The following VPS45 variants were observed in gnomAD, a reference collection of about 807,000 sequenced individuals.
VPS45 encodes the protein vacuolar protein sorting-associated protein 45.
VPS45 carries 35 observed loss-of-function variants against 75.9 expected under a neutral mutation model. The observed-to-expected ratio is 0.46, with a 90% CI of 0.35 to 0.61. VPS45 has a LOEUF of 0.61. VPS45 is among the 20% of genes least tolerant of loss of function. The pLI is 0.00. For missense variants in VPS45, 559 were observed against 685.9 expected (o/e 0.81, Z 2.07); for synonymous variants, 220 against 238.2 (o/e 0.92, Z 0.70).
intron 13 of VPS45, among the ~76,000 whole-genome samples, chr1:150,099,902 C>G (rs1553803862): frequency 6.6e-6 from 1 of 150,948 alleles, no homozygotes; most frequent in Admixed American, 6.6e-5. Flanking sequence ...TGGGCAAAAG[C>G]TGGAAGCATT....
chr1:150,070,345 A>G (rs181220022), intron 2 of VPS45, among the ~76,000 whole-genome samples: 22 of 152,304 alleles, frequency 1.4e-4, no homozygotes, highest in African/African-American at 4.1e-4. Flanking sequence ...ATGCTGTGTT[A>G]TAATAGTTTC....
At chr1:150,109,167 G>A (rs949181775) in intron 13 of VPS45, 1 of 152,174 alleles carries the variant, frequency 6.6e-6, no homozygotes, top group Non-Finnish European at 1.5e-5. Context: ...GAGTAGCTGG[G>A]ATTACGGGCA....
At chr1:150,077,556 C>A in intron 6 of VPS45, 113 bp from the exon 7 acceptor site, 1 of 778,012 alleles carries the variant, frequency 1.3e-6, no homozygotes, top group South Asian at 1.6e-5. Context: ...TATGGAAGAT[C>A]TATGTGGGTG....
At chr1:150,083,277 C>T (rs116819476) in intron 10 of VPS45, 3,349 of 156,290 alleles carry the variant, frequency 0.021, 67 homozygotes, top group Non-Finnish European at 0.034. Flanking sequence ...GTTAGGAAGA[C>T]TTTAAAAGAT....
chr1:150,100,945 A>G (rs1345574252), intron 13 of VPS45, among the ~76,000 whole-genome samples: 2 of 152,224 alleles, frequency 1.3e-5, no homozygotes, highest in Non-Finnish European at 2.9e-5. Flanking sequence ...CAAAAAAACT[A>G]TGCATCTGAG....
At position 150,067,824 on chromosome 1, in the gene VPS45, G is replaced by A; in HGVS notation, c.-34G>A. On this transcript the variant is annotated 5_prime_UTR_variant, in exon 1 of 15. Coordinates refer to ENST00000644510, the MANE Select transcript of VPS45 (RefSeq NM_007259.5). ...GTTAATTTAGCCAGAAAAGGGGGCG[G>A]GAAGGGCTGTAGGGTACTTGTCAAT... 6.2e-7 allele frequency: 1 copy of A among 1,605,564 alleles called. No individual in the cohort carries two copies. The highest frequency in any genetic ancestry group is 8.5e-7 in the Non-Finnish European group (1 of 1,172,972).
intron 12 of VPS45, among the ~76,000 whole-genome samples, chr1:150,092,837 CTTTTTTTTTTTT>C (rs11451750): frequency 1.1e-5 from 1 of 94,452 alleles, no homozygotes; most frequent in Middle Eastern, 0.01. Flanking sequence ...GCTAGCCTTT[CTTTTTTTTTTTT>C]TTTTTTTTTT....
intron 11 of VPS45, 90 bp from the exon 12 acceptor site, chr1:150,092,212 T>C (rs1553802070): frequency 6.5e-7 from 1 of 1,528,662 alleles, no homozygotes; most frequent in Non-Finnish European, 8.9e-7. Flanking sequence ...ATTCTGTCTT[T>C]TCATTTTTGT....
intron 10 of VPS45, among the ~76,000 whole-genome samples, chr1:150,089,333 T>G (rs1656200562): frequency 6.6e-6 from 1 of 152,044 alleles, no homozygotes; most frequent in African/African-American, 2.4e-5. Context: ...AAATGGGATT[T>G]CTTTTCTTTT....
intron 14 of VPS45, 129 bp downstream of exon 14, chr1:150,110,756 C>A: frequency 1.1e-6 from 1 of 882,928 alleles, no homozygotes; most frequent in Non-Finnish European, 1.6e-6. Context: ...CTGGTGTTTG[C>A]AGCTCCAGAA....
intron 4 of VPS45, chr1:150,076,675 A>G (rs140838465): frequency 1.8e-6 from 1 of 562,098 alleles, no homozygotes; most frequent in African/African-American, 1.9e-5. Flanking sequence ...CTCCAGAAAT[A>G]TAATGTGTAT....
intron 13 of VPS45, chr1:150,109,197 A>C (rs1657505779): frequency 6.6e-6 from 1 of 152,006 alleles, no homozygotes; most frequent in African/African-American, 2.4e-5. Context: ...ACGCCCAGCT[A>C]ATTTTGTATT....
chr1:150,076,063 A>AAC (rs1434725355), intron 3 of VPS45, among the ~76,000 whole-genome samples, 170 bp from the exon 4 acceptor site: 5 of 140,014 alleles, frequency 3.6e-5, no homozygotes, highest in Non-Finnish European at 7.6e-5. Context: ...GTCCTTTTAA[A>AAC]ATATATATAT....
At chr1:150,126,720 C>T (rs1571905330) in intron 14 of VPS45, among the ~76,000 whole-genome samples, 1 of 152,032 alleles carries the variant, frequency 6.6e-6, no homozygotes, top group South Asian at 2.1e-4. Flanking sequence ...AATCCCAGCA[C>T]TTTGGGAGGC....
chr1:150,087,896 A>G (rs1410922722), intron 10 of VPS45, among the ~76,000 whole-genome samples: 2 of 152,208 alleles, frequency 1.3e-5, no homozygotes, highest in Non-Finnish European at 2.9e-5. Context: ...GGCAATCTAA[A>G]TACCACTACC....
chr1:150,067,793 C>G lies in VPS45; in HGVS notation c.-65C>G, dbSNP rs1553796145. The G allele has an allele frequency of 6.5e-7, 1 of 1,536,440 alleles. No individual in the cohort carries two copies. Among genetic ancestry groups the G allele is most frequent in the Non-Finnish European group, 9.0e-7 (1 of 1,113,436 alleles). ...AAGCAGCTGAGACCCGGCCAACAGA[C>G]TGGGGGTTAATTTAGCCAGAAAAGG... On this transcript the variant is annotated 5_prime_UTR_variant, in exon 1 of 15. Transcript: ENST00000644510.
intron 10 of VPS45, among the ~76,000 whole-genome samples, chr1:150,086,199 G>T (rs1553800624): frequency 1.3e-5 from 2 of 152,004 alleles, no homozygotes; most frequent in African/African-American, 4.8e-5. Flanking sequence ...GGCCTTTGAT[G>T]GCTTGGGTTT....
intron 2 of VPS45, among the ~76,000 whole-genome samples, chr1:150,070,903 C>T (rs1655030883): frequency 6.6e-6 from 1 of 151,300 alleles, no homozygotes; most frequent in African/African-American, 2.4e-5. Flanking sequence ...TTGTCTTTTT[C>T]CACATTGTCT....
chr1:150,099,181 C>G (rs1323410722), intron 13 of VPS45: 1 of 512,788 alleles, frequency 2.0e-6, no homozygotes, highest in Non-Finnish European at 2.5e-6. Context: ...TGTAACTTAA[C>G]CACATATAGA....
Sources: allele counts gnomAD v4.1 joint callset (sites outside exome capture counted in the v4.1 genomes callset), GRCh38; gene constraint gnomAD v4.1.1; transcripts MANE v1.5; gene names NCBI Gene and HGNC (gene_info 2026-07-23, HGNC 2026-07-21).